SPHKAP: variants seen among roughly 807,000 people sequenced by gnomAD.
SPHKAP encodes the protein SPHK1 interactor, AKAP domain containing.
A neutral mutation model predicts 137.5 loss-of-function variants in SPHKAP; 67 were observed. The observed-to-expected ratio is 0.49, with a 90% CI of 0.40 to 0.60. SPHKAP has a LOEUF of 0.60. Among genes scored for constraint, SPHKAP ranks in the 20% least tolerant of loss-of-function variants. SPHKAP has a pLI of 0.00. For synonymous variants in SPHKAP, 813 were observed against 785.3 expected (o/e 1.04, Z -0.59); for missense variants, 2,097 against 2,069.3 (o/e 1.01, Z -0.26).
rs565827168 is a variant in SPHKAP at position 228,045,566 on chromosome 2, C to T, written c.247-18023G>A. ...TGAACAATGAGAACACATGGACACA[C>T]GAAGGGGAACATCACACAGCGGGGA... On this transcript the variant is annotated intron_variant, in intron 3 of 11. Coordinates refer to ENST00000392056, the MANE Select transcript of SPHKAP (RefSeq NM_001142644.2). Among the ~76,000 whole-genome samples, 49 of 151,716 alleles carry T rather than the reference C, an allele frequency of 3.2e-4. 1 individual carries two copies. Among genetic ancestry groups the T allele is most frequent in the African/African-American group, 9.7e-4 (40 of 41,296 alleles).
chr2:228,165,835 G>T (rs1426004384), intron 1 of SPHKAP, among the ~76,000 whole-genome samples: 1 of 152,142 alleles, frequency 6.6e-6, no homozygotes, highest in African/African-American at 2.4e-5. Flanking sequence ...CACCTACCTT[G>T]AATGTCTCTC....
intron 3 of SPHKAP, among the ~76,000 whole-genome samples, chr2:228,055,141 C>CAAAA (rs1559149608): frequency 8.9e-6 from 1 of 111,892 alleles, no homozygotes; most frequent in South Asian, 3.3e-4. Context: ...AAACTCCACT[C>CAAAA]CAAAAAAAAA....
chr2:228,167,116 A>T (rs1014380889), intron 1 of SPHKAP, among the ~76,000 whole-genome samples: 2 of 152,208 alleles, frequency 1.3e-5, no homozygotes, highest in Non-Finnish European at 2.9e-5. Context: ...ACTGAGGGTT[A>T]AATTTCAGCA....
At chr2:228,040,526 CA>C (rs1695794538) in intron 3 of SPHKAP, among the ~76,000 whole-genome samples, 1 of 152,100 alleles carries the variant, frequency 6.6e-6, no homozygotes, top group South Asian at 2.1e-4. Flanking sequence ...AACAATTACA[CA>C]AAATGAAATA....
At chr2:228,074,056 G>T (rs1362482759) in intron 3 of SPHKAP, among the ~76,000 whole-genome samples, 1 of 152,112 alleles carries the variant, frequency 6.6e-6, no homozygotes, top group Non-Finnish European at 1.5e-5. Flanking sequence ...CCATATAGGT[G>T]GATAAGGATA....
chr2:228,144,138 T>C (rs1699693259), intron 1 of SPHKAP, among the ~76,000 whole-genome samples: 1 of 152,216 alleles, frequency 6.6e-6, no homozygotes, highest in Admixed American at 6.5e-5. Flanking sequence ...TGAGACTTCC[T>C]CTGACTCCCC....
intron 1 of SPHKAP, among the ~76,000 whole-genome samples, chr2:228,136,146 A>T (rs554716829): frequency 6.6e-6 from 1 of 152,342 alleles, no homozygotes; most frequent in East Asian, 1.9e-4. Context: ...TGAAATTGAC[A>T]TTAAAAGAAT....
At chr2:228,071,762 T>C (rs968106998) in intron 3 of SPHKAP, among the ~76,000 whole-genome samples, 3 of 152,124 alleles carry the variant, frequency 2.0e-5, no homozygotes, top group African/African-American at 4.8e-5. Flanking sequence ...CAGACCTCTA[T>C]CTATGGTACA....
chr2:227,992,813 A>G (rs1224638737), intron 9 of SPHKAP, among the ~76,000 whole-genome samples: 2 of 152,218 alleles, frequency 1.3e-5, no homozygotes, highest in East Asian at 3.8e-4. Flanking sequence ...TTTAGCCTAT[A>G]CTTATTTATC....
In SPHKAP at chr2:228,017,403, A is replaced by G; in HGVS notation, c.3451T>C (p.Tyr1151His). The part of the protein sequence containing the change: ...GRGFELLLDY[Y>H]AGKNASSILN... ...ATGCTGCTGGCGTTCTTGCCAGCAT[A>G]GTAATCCAGCAGTAACTCAAATCCT... The change falls in exon 7 of 12, where the codon TAT becomes CAT. Residue 1151 changes from tyrosine to histidine, a missense_variant. Physicochemically the swap from Tyr to His is moderately conservative, Grantham distance 83. Transcript: ENST00000392056. The G allele has an allele frequency of 6.2e-7, 1 of 1,614,128 alleles. No homozygotes were observed. The highest frequency in any genetic ancestry group is 1.3e-5 in the African/African-American group (1 of 75,076).
intron 3 of SPHKAP, among the ~76,000 whole-genome samples, chr2:228,035,863 C>T (rs981328839): frequency 6.6e-6 from 1 of 152,052 alleles, no homozygotes; most frequent in African/African-American, 2.4e-5. Flanking sequence ...CTTCCTTATG[C>T]CCTATACAAA....
intron 3 of SPHKAP, among the ~76,000 whole-genome samples, chr2:228,092,251 A>G (rs541929468): frequency 2.4e-4 from 35 of 143,786 alleles, no homozygotes; most frequent in South Asian, 1.1e-3. Context: ...ACACGTGTAT[A>G]TGTGTGTATA....
At chr2:228,010,518 C>T (rs927142633) in intron 7 of SPHKAP, among the ~76,000 whole-genome samples, 5 of 152,062 alleles carry the variant, frequency 3.3e-5, no homozygotes, top group East Asian at 1.9e-4. Context: ...GGTGACAGAG[C>T]GAAACTCCAT....
intron 1 of SPHKAP, among the ~76,000 whole-genome samples, chr2:228,135,348 T>C (rs142378509): frequency 3.3e-5 from 5 of 150,164 alleles, no homozygotes; most frequent in African/African-American, 4.9e-5. Flanking sequence ...CACATCTAAA[T>C]TGGGCAGAGA....
intron 1 of SPHKAP, among the ~76,000 whole-genome samples, chr2:228,150,342 A>G (rs1203340523): frequency 3.9e-5 from 6 of 152,158 alleles, no homozygotes; most frequent in African/African-American, 1.4e-4. Flanking sequence ...GAGAATTTGT[A>G]TACTATTGGA....
chr2:228,022,499 A>C (rs1026264143), intron 5 of SPHKAP, among the ~76,000 whole-genome samples: 2 of 152,168 alleles, frequency 1.3e-5, no homozygotes, highest in Non-Finnish European at 2.9e-5. Flanking sequence ...TTAGGTTCTC[A>C]TGCTCCCATA....
At chr2:228,084,812 A>C (rs1697487926) in intron 3 of SPHKAP, among the ~76,000 whole-genome samples, 1 of 152,230 alleles carries the variant, frequency 6.6e-6, no homozygotes, top group African/African-American at 2.4e-5. Context: ...GCTGGATTGA[A>C]CAGAGAAAAA....
chr2:228,022,761 G>A (rs1694889164), intron 5 of SPHKAP, among the ~76,000 whole-genome samples: 1 of 152,182 alleles, frequency 6.6e-6, no homozygotes, highest in Non-Finnish European at 1.5e-5. Flanking sequence ...TGAAGGGAAT[G>A]TCAACGCTGT....
chr2:228,000,589 G>A (rs567645620), intron 7 of SPHKAP, among the ~76,000 whole-genome samples: 124 of 151,448 alleles, frequency 8.2e-4, no homozygotes, highest in African/African-American at 3.0e-3. Context: ...CTGCACTCCA[G>A]CCTGGGAGAC....
Sources: allele counts gnomAD v4.1 joint callset (sites outside exome capture counted in the v4.1 genomes callset), GRCh38; gene constraint gnomAD v4.1.1; transcripts MANE v1.5; gene names NCBI Gene and HGNC (gene_info 2026-07-23, HGNC 2026-07-21).